Variants in RNF115 observed in about 807,000 individuals in gnomAD.
RNF115 encodes ring finger protein 115, also known as E3 ubiquitin-protein ligase RNF115.
RNF115 carries 31 observed loss-of-function variants against 39.2 expected under a neutral mutation model. That is an observed-to-expected ratio of 0.79 (90% confidence interval 0.59 to 1.07). The LOEUF (loss-of-function observed/expected upper bound fraction) is 1.07. Ranked by LOEUF, RNF115 falls within the 50% of genes least tolerant of loss-of-function variation. The pLI is 0.00. For missense variants in RNF115, 384 were observed against 381.7 expected (o/e 1.01, Z -0.05); for synonymous variants, 124 against 131.0 (o/e 0.95, Z 0.37).
At chr1:145,752,583 C>CTT (rs1279960498) in intron 5 of RNF115, among the ~76,000 whole-genome samples, 1 of 60,444 alleles carries the variant, frequency 1.7e-5, no homozygotes, top group Admixed American at 2.0e-4. Flanking sequence ...ACCTATGCAG[C>CTT]TCTTTTTTTT....
rs587738221 is a variant in RNF115 at position 145,823,808 on chromosome 1, G to A, written c.66C>T (p.Cys22=). ...GAAVAAHRFF[C]HFCKGEVSPK... is the part of the protein sequence containing the mutation. ...GGCTGACCTCGCCCTTGCAAAAGTG[G>A]CAGAAAAACCGGTGGGCGGCTACAG... Residue 22 remains cysteine (C), a synonymous_variant, in exon 1 of 9, where the codon TGC becomes TGT. Transcript: ENST00000582693. The A allele has an allele frequency of 1.4e-3, 2,189 of 1,586,790 alleles. 34 individuals are homozygous for A. In the South Asian group the frequency reaches 0.023, roughly 17 times the overall value.
At chr1:145,784,670 G>A (rs1648297404) in intron 2 of RNF115, 74 bp from the exon 3 acceptor site, 3 of 1,297,422 alleles carry the variant, frequency 2.3e-6, no homozygotes, top group Non-Finnish European at 2.2e-6. Context: ...AATATAGAAT[G>A]GCATAATGAG....
intron 3 of RNF115, among the ~76,000 whole-genome samples, chr1:145,780,304 G>A (rs1207447128): frequency 6.6e-6 from 1 of 151,872 alleles, no homozygotes; most frequent in Non-Finnish European, 1.5e-5. Context: ...GAAAGGAAAT[G>A]TATGGAAAAG....
chr1:145,811,930 T>TAC (rs1281096665), intron 1 of RNF115, among the ~76,000 whole-genome samples: 24 of 112,184 alleles, frequency 2.1e-4, no homozygotes, highest in Middle Eastern at 4.2e-3. Context: ...TATATATATA[T>TAC]ATACACACAC....
Position 145,744,790 on chromosome 1 carries a change from CAG to C in RNF115, c.*2074_*2075del, listed in dbSNP as rs1657810338. 6.6e-6 allele frequency: 1 copy of C among 152,138 alleles called. No homozygotes were observed. Among genetic ancestry groups the C allele is most frequent in the South Asian group, 2.1e-4 (1 of 4,828 alleles). The allele number at this position is 152,138 out of a possible 1,614,324, so 9.4% of individuals were successfully genotyped here. On this transcript the variant is annotated 3_prime_UTR_variant, in exon 9 of 9. Transcript: ENST00000582693. Reference sequence around the variant, plus strand: ...TCTGTACCTTTTTTTGGTACACCAACAGTTGTTCTATGTCCCCATCATTTCCT... The same window carrying C: ...TCTGTACCTTTTTTTGGTACACCAACTTGTTCTATGTCCCCATCATTTCCT...
intron 4 of RNF115, among the ~76,000 whole-genome samples, chr1:145,763,424 G>A (rs587614276): frequency 5.9e-5 from 9 of 152,280 alleles, no homozygotes; most frequent in South Asian, 4.2e-4. Flanking sequence ...GGGGCTGGGC[G>A]CAGTGGCTCA....
At chr1:145,765,018 T>C (rs1358532492) in intron 4 of RNF115, among the ~76,000 whole-genome samples, 1 of 152,186 alleles carries the variant, frequency 6.6e-6, no homozygotes, top group Non-Finnish European at 1.5e-5. Context: ...AATCGGATTG[T>C]TGTTGTGTCT....
chr1:145,784,197 A>G (rs1553717824), intron 3 of RNF115, among the ~76,000 whole-genome samples: 1 of 152,216 alleles, frequency 6.6e-6, no homozygotes, highest in African/African-American at 2.4e-5. Flanking sequence ...ACACCACTAA[A>G]GCAGAGTCTG....
At chr1:145,778,907 G>A (rs1055602029) in intron 3 of RNF115, among the ~76,000 whole-genome samples, 4 of 152,188 alleles carry the variant, frequency 2.6e-5, no homozygotes, top group African/African-American at 9.7e-5. Context: ...ATGTGTGCCT[G>A]CTTTGCAGCC....
intron 1 of RNF115, among the ~76,000 whole-genome samples, chr1:145,803,165 T>C (rs1649324409): frequency 6.6e-6 from 1 of 152,188 alleles, no homozygotes; most frequent in African/African-American, 2.4e-5. Flanking sequence ...TTGAAATTAG[T>C]TCTCTGAGCT....
chr1:145,766,631 C>T (rs1647294696), intron 4 of RNF115, among the ~76,000 whole-genome samples: 4 of 149,888 alleles, frequency 2.7e-5, no homozygotes, highest in African/African-American at 9.8e-5. Context: ...GGGCTGACCC[C>T]CCCACCTCCC....
chr1:145,810,741 G>A, intron 1 of RNF115, among the ~76,000 whole-genome samples: 1 of 142,274 alleles, frequency 7.0e-6, no homozygotes, highest in Non-Finnish European at 1.5e-5. Flanking sequence ...AAGAAAAAAT[G>A]TCTTTATTCT....
intron 1 of RNF115, among the ~76,000 whole-genome samples, chr1:145,789,264 A>G (rs1648542840): frequency 6.6e-6 from 1 of 151,828 alleles, no homozygotes; most frequent in Non-Finnish European, 1.5e-5. Context: ...CAACATACCT[A>G]ATTTTTTTTA....
intron 4 of RNF115, among the ~76,000 whole-genome samples, chr1:145,766,267 C>A (rs1647271081): frequency 6.6e-6 from 1 of 152,114 alleles, no homozygotes; most frequent in African/African-American, 2.4e-5. Context: ...TCCATTTAAC[C>A]CTGAGTGGAC....
chr1:145,801,878 C>A (rs1457219539), intron 1 of RNF115, among the ~76,000 whole-genome samples: 1 of 152,134 alleles, frequency 6.6e-6, no homozygotes, highest in Non-Finnish European at 1.5e-5. Context: ...ACCTCTGCCT[C>A]CCAGGCTCCA....
At chr1:145,794,371 T>A (rs989038390) in intron 1 of RNF115, among the ~76,000 whole-genome samples, 4 of 152,142 alleles carry the variant, frequency 2.6e-5, no homozygotes, top group East Asian at 1.9e-4. Context: ...CCTCCTTCAG[T>A]GTGTTCCAGC....
Position 145,765,030 on chromosome 1 carries a change from T to C in RNF115, c.428+6681A>G, listed in dbSNP as rs1571723977. 1.3e-5 allele frequency among the ~76,000 whole-genome samples: 2 copies of C among 152,226 alleles called. 1 individual carries two copies. The highest frequency in any genetic ancestry group is 4.1e-4 in the South Asian group (2 of 4,824). On this transcript the variant is annotated intron_variant, in intron 4 of 8. Transcript: ENST00000582693. ...AGAAATCGGATTGTTGTTGTGTCTG[T>C]GTAGAAAGAAGTAGACATGGGAGAC...
chr1:145,766,703 C>T (rs1422795757), intron 4 of RNF115, among the ~76,000 whole-genome samples: 347 of 118,286 alleles, frequency 2.9e-3, no homozygotes, highest in African/African-American at 0.01. Context: ...CCGGACGGGG[C>T]GGCTGTCCGG....
At chr1:145,806,716 T>C (rs1007401323) in intron 1 of RNF115, among the ~76,000 whole-genome samples, 1 of 152,220 alleles carries the variant, frequency 6.6e-6, no homozygotes, top group Non-Finnish European at 1.5e-5. Flanking sequence ...CCTTCCACTA[T>C]GACTGGAAGC....
Sources: gnomAD v4.1 joint callset for allele counts (sites outside exome capture counted in the v4.1 genomes callset) on GRCh38, gnomAD v4.1.1 for gene constraint, MANE v1.5 for transcripts, NCBI Gene and HGNC (gene_info 2026-07-23, HGNC 2026-07-21) for gene names.